AGBL1: variants seen among roughly 807,000 people sequenced by gnomAD.
The protein encoded by AGBL1 is AGBL carboxypeptidase 1.
In AGBL1, 130 loss-of-function variants were observed where a neutral mutation model predicts 118.9. The ratio of observed to expected loss-of-function variants is 1.09; its 90% CI spans 0.95 to 1.26. The LOEUF (loss-of-function observed/expected upper bound fraction) is 1.26, where lower values mean the gene tolerates loss of function less well. Among genes scored for constraint, AGBL1 ranks in the 50% most tolerant of loss-of-function variants. The pLI is 0.00. For synonymous variants in AGBL1, 555 were observed against 478.9 expected, an observed-to-expected ratio of 1.16 and a Z score of -2.08; for missense variants, 1,584 against 1,298.1, an observed-to-expected ratio of 1.22 and a Z score of -3.38.
Position 86,668,415 on chromosome 15 carries a change from G to A in AGBL1, c.2995-5858G>A, listed in dbSNP as rs540366563. On this transcript the variant is annotated intron_variant, in intron 21 of 22. Transcript: ENST00000614907. ...TTGTTTCCTTTTTGTGCCTTTTAAT[G>A]TAGTTTCACCAATGCAATATACTCA... Among the ~76,000 whole-genome samples the A allele has an allele frequency of 2.6e-5, 4 of 152,128 alleles. No individual in the cohort carries two copies. The East Asian group carries it at 7.7e-4, about 29-fold the overall frequency.
intron 22 of AGBL1, among the ~76,000 whole-genome samples, chr15:86,753,222 G>T (rs908532249): frequency 1.6e-4 from 24 of 151,818 alleles, no homozygotes; most frequent in African/African-American, 5.8e-4. Context: ...TCAGATCCAT[G>T]GTTTTTCTGG....
chr15:86,176,772 A>T (rs1650043245), intron 5 of AGBL1, among the ~76,000 whole-genome samples: 1 of 152,112 alleles, frequency 6.6e-6, no homozygotes, highest in Non-Finnish European at 1.5e-5. Context: ...TCTCTGGAAC[A>T]ATGTCATGGT....
In AGBL1 at chr15:86,699,190, A is replaced by T. The variant is rs150431821; in HGVS notation, c.3158+24754A>T. The stretch of plus-strand genomic sequence containing the variant: ...AAAAATTTTGTATATCTTCATTGAG[A>T]TTTGTCAAATGTTAATATTTTATTA... On this transcript the variant is annotated intron_variant, in intron 22 of 22. Transcript: ENST00000614907. Among the ~76,000 whole-genome samples the T allele has an allele frequency of 9.4e-3, 1,435 of 152,068 alleles. 22 individuals are homozygous for T. The highest frequency in any genetic ancestry group is 0.032 in the African/African-American group (1,331 of 41,518).
chr15:86,264,282 G>T lies in AGBL1; in HGVS notation c.1111G>T (p.Asp371Tyr), dbSNP rs2079036831. 1 of 1,603,708 alleles carries T rather than the reference G, an allele frequency of 6.2e-7. No individual in the cohort carries two copies. Among genetic ancestry groups the T allele is most frequent in the Non-Finnish European group, 8.5e-7 (1 of 1,175,068 alleles). ...FEELQSKLGD[D>Y]LNSEKTQYAN... is the part of the protein sequence containing the mutation. ...GGAACTGCAGTCCAAACTTGGAGAT[G>T]ATTTGAACTCTGAAAAGACTCAGTA... is the stretch of plus-strand genomic sequence containing the variant. The change falls in exon 11 of 23, where the codon GAT becomes TAT. Residue 371 changes from aspartate to tyrosine, a missense_variant. Physicochemically the swap from Asp to Tyr is radical, Grantham distance 160. Transcript: ENST00000614907.
chr15:86,940,231 AT>A (rs1467722377), intron 23 of AGBL1, among the ~76,000 whole-genome samples: 2 of 151,796 alleles, frequency 1.3e-5, no homozygotes, highest in Non-Finnish European at 2.9e-5. Flanking sequence ...GAGCCCTTTG[AT>A]TTGGTATGTC....
At chr15:86,654,575 C>T (rs955785086) in intron 21 of AGBL1, among the ~76,000 whole-genome samples, 1 of 152,072 alleles carries the variant, frequency 6.6e-6, no homozygotes, top group African/African-American at 2.4e-5. Flanking sequence ...TTACAGAGTA[C>T]ATTGTTGTAT....
chr15:86,120,058 T>C (rs761213195), intron 1 of AGBL1, among the ~76,000 whole-genome samples: 1 of 152,188 alleles, frequency 6.6e-6, no homozygotes, highest in Non-Finnish European at 1.5e-5. Flanking sequence ...TTCGATATAC[T>C]GAACACAAGA....
At chr15:86,882,830 C>T (rs1246182275) in intron 22 of AGBL1, among the ~76,000 whole-genome samples, 1 of 152,174 alleles carries the variant, frequency 6.6e-6, no homozygotes, top group Non-Finnish European at 1.5e-5. Flanking sequence ...AAAAACTAGA[C>T]AGGAACCTAA....
At chr15:86,651,372 C>T (rs1457942969) in intron 21 of AGBL1, among the ~76,000 whole-genome samples, 2 of 152,146 alleles carry the variant, frequency 1.3e-5, no homozygotes, top group Non-Finnish European at 2.9e-5. Context: ...AAGAACACTT[C>T]TGTATCAAAG....
intron 7 of AGBL1, among the ~76,000 whole-genome samples, chr15:86,253,396 A>G: frequency 6.6e-6 from 1 of 151,278 alleles, no homozygotes; most frequent in East Asian, 1.9e-4. Context: ...AATTACAGCC[A>G]TGCACCACAA....
chr15:86,987,498 C>T (rs1242963559), intron 23 of AGBL1, among the ~76,000 whole-genome samples: 4 of 152,040 alleles, frequency 2.6e-5, no homozygotes, highest in Non-Finnish European at 5.9e-5. Flanking sequence ...CTTGACTTAC[C>T]GTACAGGCCA....
intron 22 of AGBL1, among the ~76,000 whole-genome samples, chr15:86,769,986 C>T (rs1379316200): frequency 6.6e-6 from 1 of 151,962 alleles, no homozygotes; most frequent in African/African-American, 2.4e-5. Context: ...CTCCTCAACC[C>T]AATTTAAAGG....
intron 22 of AGBL1, among the ~76,000 whole-genome samples, chr15:86,723,732 A>G (rs1050727514): frequency 2.0e-5 from 3 of 152,222 alleles, no homozygotes; most frequent in African/African-American, 7.2e-5. Flanking sequence ...GCAAAAATAT[A>G]CAAAAGAATT....
chr15:86,400,818 A>G (rs2081433911), intron 18 of AGBL1, among the ~76,000 whole-genome samples: 1 of 152,042 alleles, frequency 6.6e-6, no homozygotes, highest in South Asian at 2.1e-4. Flanking sequence ...TGATATATAT[A>G]TATATATGTA....
intron 23 of AGBL1, among the ~76,000 whole-genome samples, chr15:86,951,288 G>A (rs1382192746): frequency 6.6e-6 from 1 of 152,120 alleles, no homozygotes; most frequent in African/African-American, 2.4e-5. Flanking sequence ...TACTAAATGT[G>A]TACCCACATA....
chr15:86,236,312 C>T (rs867752857), intron 6 of AGBL1, among the ~76,000 whole-genome samples: 1 of 151,472 alleles, frequency 6.6e-6, no homozygotes, highest in Non-Finnish European at 1.5e-5. Flanking sequence ...TCTTGGCACC[C>T]CAGACTTCCA....
intron 18 of AGBL1, among the ~76,000 whole-genome samples, chr15:86,449,206 G>T (rs556142340): frequency 3.3e-5 from 5 of 152,102 alleles, no homozygotes; most frequent in Non-Finnish European, 7.4e-5. Flanking sequence ...ACAAAACAAC[G>T]GCCACAACAG....
At position 86,267,136 on chromosome 15, in the gene AGBL1, A is replaced by G. The variant is rs2079087619; in HGVS notation, c.1838+60A>G. The G allele has an allele frequency of 3.2e-6, 4 of 1,254,948 alleles. No individual in the cohort carries two copies. In the East Asian group the frequency reaches 7.6e-5, roughly 24 times the overall value. The allele number at this position is 1,254,948 out of a possible 1,614,324, so 77.7% of individuals were successfully genotyped here. On this transcript the variant is annotated intron_variant, in intron 13 of 22. Transcript: ENST00000614907. ...CAGTTCGTAAGAGCAAGCTGTGACT[A>G]TCTCTTCCCCATGCTCTGTTCAGTG... is the stretch of plus-strand genomic sequence containing the variant.
chr15:86,118,197 C>T (rs914434973), intron 1 of AGBL1, among the ~76,000 whole-genome samples: 5 of 152,188 alleles, frequency 3.3e-5, no homozygotes, highest in African/African-American at 1.2e-4. Context: ...GCTTTAAAAG[C>T]AAACTCTCAT....
Sources: gnomAD v4.1 joint callset for allele counts (sites outside exome capture counted in the v4.1 genomes callset) on GRCh38, gnomAD v4.1.1 for gene constraint, MANE v1.5 for transcripts, NCBI Gene and HGNC (gene_info 2026-07-23, HGNC 2026-07-21) for gene names.